SEL1L2: variants seen among roughly 807,000 people sequenced by gnomAD.
SEL1L2 encodes protein sel-1 homolog 2.
SEL1L2 carries 89 observed loss-of-function variants against 98.8 expected under a neutral mutation model. The observed-to-expected ratio is 0.90, with a 90% CI of 0.76 to 1.07. The LOEUF is 1.07. Ranked by LOEUF, SEL1L2 falls within the 50% of genes least tolerant of loss-of-function variation. SEL1L2 has a pLI of 0.00. For synonymous variants in SEL1L2, 262 were observed against 278.5 expected (o/e 0.94, Z 0.59); for missense variants, 788 against 812.0 (o/e 0.97, Z 0.36).
chr20:13,901,180 C>T (rs550058653), intron 5 of SEL1L2, among the ~76,000 whole-genome samples: 1 of 151,164 alleles, frequency 6.6e-6, no homozygotes, highest in East Asian at 2.0e-4. Context: ...ATGCCATTCT[C>T]CTGCCTCAGC....
chr20:13,987,674 C>T (rs926535505), intron 1 of SEL1L2, among the ~76,000 whole-genome samples: 2 of 152,100 alleles, frequency 1.3e-5, no homozygotes, highest in African/African-American at 4.8e-5. Context: ...TTGATTATAA[C>T]CATCCTAGTG....
chr20:13,934,702 A>G (rs893528477), intron 2 of SEL1L2, among the ~76,000 whole-genome samples: 2 of 151,338 alleles, frequency 1.3e-5, no homozygotes, highest in Non-Finnish European at 2.9e-5. Flanking sequence ...TGTTTTCCAC[A>G]CTGGTTGTTT....
chr20:13,956,999 T>C (rs925056574), intron 1 of SEL1L2, among the ~76,000 whole-genome samples: 31 of 152,186 alleles, frequency 2.0e-4, no homozygotes, highest in Middle Eastern at 6.8e-3. Context: ...CAATATGAAA[T>C]AGTCAAAATT....
chr20:13,888,319 C>A, intron 6 of SEL1L2, 140 bp downstream of exon 6: 1 of 671,414 alleles, frequency 1.5e-6, no homozygotes, highest in Non-Finnish European at 2.6e-6. Flanking sequence ...GGCATAAGAA[C>A]ACTAAATTTC....
rs192591206 is a variant in SEL1L2 at position 13,869,152 on chromosome 20, T to G, written c.1255+351A>C. On this transcript the variant is annotated intron_variant, in intron 14 of 19. Transcript: ENST00000284951. Reference sequence around the variant, plus strand: ...TCTCACCCTCTTGCTCCTTTCCTTTTGCAACCTCAACTACTCTTAACTAAT... The same window carrying G: ...TCTCACCCTCTTGCTCCTTTCCTTTGGCAACCTCAACTACTCTTAACTAAT... 4.6e-5 allele frequency among the ~76,000 whole-genome samples: 7 copies of G among 152,292 alleles called. No individual in the cohort carries two copies. The East Asian group carries it at 1.4e-3, about 29-fold the overall frequency.
chr20:13,952,793 G>A (rs1168786035), intron 2 of SEL1L2, among the ~76,000 whole-genome samples: 3 of 152,182 alleles, frequency 2.0e-5, no homozygotes, highest in Admixed American at 2.0e-4. Context: ...CACTTTGGGA[G>A]GCCAAGGCGG....
At chr20:13,924,325 T>C (rs1418302866) in intron 3 of SEL1L2, among the ~76,000 whole-genome samples, 1 of 152,090 alleles carries the variant, frequency 6.6e-6, no homozygotes, top group Non-Finnish European at 1.5e-5. Flanking sequence ...CAATTTCTTC[T>C]GATTTTTCCG....
intron 18 of SEL1L2, among the ~76,000 whole-genome samples, chr20:13,858,156 G>T (rs1010360590): frequency 6.6e-6 from 1 of 152,126 alleles, no homozygotes; most frequent in African/African-American, 2.4e-5. Flanking sequence ...GATCCATACC[G>T]CTGAATAAGA....
At chr20:13,980,094 T>C (rs971793332) in intron 1 of SEL1L2, among the ~76,000 whole-genome samples, 1 of 152,144 alleles carries the variant, frequency 6.6e-6, no homozygotes, top group Non-Finnish European at 1.5e-5. Flanking sequence ...CCAACAGATA[T>C]ATGAGAAAAT....
chr20:13,932,371 T>C (rs1044644600), intron 2 of SEL1L2, among the ~76,000 whole-genome samples: 1 of 151,360 alleles, frequency 6.6e-6, no homozygotes, highest in African/African-American at 2.4e-5. Flanking sequence ...ATTTTCTGGG[T>C]AAATTATACT....
intron 2 of SEL1L2, among the ~76,000 whole-genome samples, chr20:13,955,577 T>G (rs1452722796): frequency 1.3e-5 from 2 of 152,166 alleles, no homozygotes; most frequent in African/African-American, 2.4e-5. Context: ...AATGCTTTGG[T>G]TTCATTCAGT....
intron 3 of SEL1L2, among the ~76,000 whole-genome samples, chr20:13,925,791 T>C (rs1404067301): frequency 6.6e-6 from 1 of 152,256 alleles, no homozygotes; most frequent in Non-Finnish European, 1.5e-5. Flanking sequence ...AGTTATGACA[T>C]ACTTTAGGCA....
In SEL1L2 at chr20:13,849,567, G is replaced by A; in HGVS notation, c.1985C>T (p.Thr662Ile). The change falls in exon 20 of 20, where the codon ACC (threonine) becomes ATC (isoleucine). Residue 662 changes from threonine (T) to isoleucine (I), a missense_variant. Transcript: ENST00000284951. ...AAATAAGTCCCAGTGTGGTCCAATG[G>A]TGTTGTCCAGTTTCAGCCAGTTCCA... ...TRWNWLKLDN[T>I]IGPHWDLFVI... The A allele has an allele frequency of 6.2e-7, 1 of 1,614,052 alleles. No individual in the cohort carries two copies. The highest frequency in any genetic ancestry group is 8.5e-7 in the Non-Finnish European group (1 of 1,179,966).
chr20:13,937,256 A>G (rs1030104531), intron 2 of SEL1L2, among the ~76,000 whole-genome samples: 5 of 152,198 alleles, frequency 3.3e-5, no homozygotes, highest in Non-Finnish European at 5.9e-5. Flanking sequence ...CAGTAATAAG[A>G]CAGCCAAATG....
At chr20:13,984,644 GTCTC>G (rs1028929040) in intron 1 of SEL1L2, among the ~76,000 whole-genome samples, 18 of 151,920 alleles carry the variant, frequency 1.2e-4, no homozygotes, top group Non-Finnish European at 2.2e-4. Flanking sequence ...TACTGCCAAA[GTCTC>G]TCTCTTTCTT....
chr20:13,894,557 T>G (rs1832418690), intron 5 of SEL1L2, among the ~76,000 whole-genome samples: 1 of 151,690 alleles, frequency 6.6e-6, no homozygotes, highest in Non-Finnish European at 1.5e-5. Context: ...AAGACTTCGG[T>G]TCACAAATCA....
chr20:13,861,893 C>G (rs769268763), intron 17 of SEL1L2, among the ~76,000 whole-genome samples: 14 of 152,190 alleles, frequency 9.2e-5, no homozygotes, highest in Non-Finnish European at 1.8e-4. Context: ...GCGCCAATGC[C>G]ACTTCTCTCC....
intron 2 of SEL1L2, among the ~76,000 whole-genome samples, chr20:13,945,268 C>A (rs1035875069): frequency 1.3e-5 from 2 of 152,022 alleles, no homozygotes; most frequent in African/African-American, 4.8e-5. Context: ...TTGACCTGAC[C>A]TTATGTTAGG....
intron 10 of SEL1L2, among the ~76,000 whole-genome samples, chr20:13,880,014 C>T (rs143539028): frequency 1.3e-5 from 2 of 152,286 alleles, no homozygotes; most frequent in South Asian, 2.1e-4. Flanking sequence ...TCATTATTGA[C>T]TTATTTTGTC....
Sources: gnomAD v4.1 joint callset for allele counts (sites outside exome capture counted in the v4.1 genomes callset) on GRCh38, gnomAD v4.1.1 for gene constraint, MANE v1.5 for transcripts, NCBI Gene and HGNC (gene_info 2026-07-23, HGNC 2026-07-21) for gene names.